Variants in PDLIM3 observed in about 807,000 individuals in gnomAD.
PDLIM3 encodes the protein PDZ and LIM domain protein 3.
In PDLIM3, 36 loss-of-function variants were observed where a neutral mutation model predicts 37.3. The observed-to-expected ratio is 0.97, with a 90% CI of 0.74 to 1.28. The LOEUF (loss-of-function observed/expected upper bound fraction) is 1.28. Ranked by LOEUF, PDLIM3 falls within the 50% of genes most tolerant of loss-of-function variation. The pLI, the probability that PDLIM3 is intolerant of heterozygous loss-of-function variation, is 0.00. For synonymous variants in PDLIM3, 174 were observed against 182.4 expected, an observed-to-expected ratio of 0.95 and a Z score of 0.37; for missense variants, 454 against 485.0, an observed-to-expected ratio of 0.94 and a Z score of 0.60.
intron 5 of PDLIM3, 149 bp from the exon 6 acceptor site, chr4:185,506,801 T>C (rs747335056): frequency 2.8e-5 from 19 of 681,266 alleles, no homozygotes; most frequent in Non-Finnish European, 4.2e-5. Flanking sequence ...TCTAGTATAG[T>C]TAAAAGCATA....
intron 1 of PDLIM3, among the ~76,000 whole-genome samples, chr4:185,535,128 C>A (rs1027336963): frequency 6.6e-6 from 1 of 152,330 alleles, no homozygotes; most frequent in Non-Finnish European, 1.5e-5. Context: ...ACCTTTAGAG[C>A]GGACTTTGTC....
At chr4:185,507,739 T>C (rs1367296092) in intron 5 of PDLIM3, among the ~76,000 whole-genome samples, 4 of 152,160 alleles carry the variant, frequency 2.6e-5, no homozygotes, top group Admixed American at 1.3e-4. Flanking sequence ...AAAAATTAAA[T>C]ATCTACATTA....
rs772607770 is a variant in PDLIM3, at chr4:185,504,574, GC to G, written c.805del (p.Ala269LeufsTer6). On this transcript the variant is annotated frameshift_variant, in exon 7 of 8. Transcript: ENST00000284767. LOFTEE classifies it high-confidence loss of function. This position sits in a 1 kb window ranked among gnomAD's most constrained non-coding sequence, Gnocchi z 4.7. Reference protein sequence around the residue: ...MVDDGSDDRPAGTRSVRAPVT... With the variant: ...MVDDGSDDRPXGTRSVRAPVT... ...CGGAGCTCTCACACTCCGCGTTCCA[GC>G]CGGACGGTCATCTGAAAAACAAAGC... 7 of 1,613,774 alleles carry G rather than the reference GC, an allele frequency of 4.3e-6. No individual in the cohort carries two copies. The highest frequency in any genetic ancestry group is 5.9e-6 in the Non-Finnish European group (7 of 1,179,842).
rs1041125049 is a variant in PDLIM3, at chr4:185,514,065, G to A, written c.398+205C>T. ...TGATTGCATACAATTTCACAGCTCT[G>A]TCATCTTGTCAATATTTACTCTTGG... On this transcript the variant is annotated intron_variant, in intron 4 of 7. Transcript: ENST00000284767. The surrounding 1 kb of genome is among the most constrained non-coding windows in gnomAD (Gnocchi z 4.0). 69 of 1,461,880 alleles carry A rather than the reference G, an allele frequency of 4.7e-5. No individual in the cohort carries two copies. The highest frequency in any genetic ancestry group is 5.9e-5 in the Non-Finnish European group (65 of 1,110,824). 90.6% of individuals were successfully genotyped at this position (1,461,880 alleles called of 1,614,324 possible). A position where few individuals can be genotyped will look rare whatever the true frequency, so the allele number is the denominator to read the frequency against.
At position 185,525,134 on chromosome 4, in the gene PDLIM3, C is replaced by T. The variant is rs2095730947; in HGVS notation, c.131G>A (p.Cys44Tyr). 2 of 1,614,182 alleles carry T rather than the reference C, an allele frequency of 1.2e-6. No individual in the cohort carries two copies. Among genetic ancestry groups the T allele is most frequent in the Non-Finnish European group, 1.7e-6 (2 of 1,180,006 alleles). Residue 44 changes from cysteine to tyrosine, a missense_variant, in exon 2 of 8, where the codon TGT (cysteine) becomes TAT (tyrosine). Physicochemically the swap from Cys to Tyr is radical, Grantham distance 194. Transcript: ENST00000284767. ...AATAGCCAGGATGACATCTCCAGGACACAGGTTGGCAGCTGCCGCCTTGCT... is the reference window on the plus strand; with the variant it reads ...AATAGCCAGGATGACATCTCCAGGATACAGGTTGGCAGCTGCCGCCTTGCT... ...PGSKAAAANL[C>Y]PGDVILAIDG...
chr4:185,531,865 G>C (rs2095744961), intron 1 of PDLIM3, among the ~76,000 whole-genome samples: 1 of 150,238 alleles, frequency 6.7e-6, no homozygotes, highest in Non-Finnish European at 1.5e-5. Context: ...GAGGTGGGCG[G>C]ATCGCCTGAG....
chr4:185,506,452 T>C (rs1259696157), intron 6 of PDLIM3, 70 bp downstream of exon 6: 1 of 1,592,760 alleles, frequency 6.3e-7, no homozygotes, highest in South Asian at 1.1e-5. Flanking sequence ...GTATGTTTGC[T>C]GTCGTCCCCG....
At chr4:185,529,752 C>T (rs2095740676) in intron 1 of PDLIM3, among the ~76,000 whole-genome samples, 1 of 152,214 alleles carries the variant, frequency 6.6e-6, no homozygotes, top group Admixed American at 6.5e-5. Flanking sequence ...TCACATAATT[C>T]TTAAGACAAT....
chr4:185,519,538 C>T lies in PDLIM3; in HGVS notation c.330+3824G>A, dbSNP rs559095905. Among the ~76,000 whole-genome samples, 6 of 152,306 alleles carry T rather than the reference C, an allele frequency of 3.9e-5. No homozygotes were observed. In the South Asian group the frequency reaches 6.2e-4, roughly 16 times the overall value. On this transcript the variant is annotated intron_variant, in intron 3 of 7. Coordinates refer to ENST00000284767, the MANE Select transcript of PDLIM3 (RefSeq NM_014476.6). The stretch of plus-strand genomic sequence containing the variant: ...CTGACCTCAGGTGATCCACCTGCCT[C>T]GGCCTCCCAAAGTGCTGGGACTACA...
rs1352831702 is a variant in PDLIM3, at chr4:185,521,708, T to C, written c.330+1654A>G. Among the ~76,000 whole-genome samples, 4 of 66,166 alleles carry C rather than the reference T, an allele frequency of 6.0e-5. 1 individual carries two copies. The highest frequency in any genetic ancestry group is 1.1e-4 in the African/African-American group (4 of 36,404). The allele number at this position is 66,166 out of a possible 152,430, so 43.4% of individuals were successfully genotyped here. A position where few individuals can be genotyped will look rare whatever the true frequency, so the allele number is the denominator to read the frequency against. On this transcript the variant is annotated intron_variant, in intron 3 of 7. Coordinates refer to ENST00000284767, the MANE Select transcript of PDLIM3 (RefSeq NM_014476.6). Reference sequence around the variant, plus strand: ...GCCTGGCCCCACTCAACTTTCAAGATTACTTTCCATGCAACAGCTGAGAGT... The same window carrying C: ...GCCTGGCCCCACTCAACTTTCAAGACTACTTTCCATGCAACAGCTGAGAGT...
intron 1 of PDLIM3, among the ~76,000 whole-genome samples, chr4:185,529,498 A>C (rs2095740111): frequency 6.6e-6 from 1 of 152,224 alleles, no homozygotes; most frequent in South Asian, 2.1e-4. Flanking sequence ...GGCACGGACC[A>C]AAATCATGAG....
At chr4:185,534,490 C>A (rs1450567871) in intron 1 of PDLIM3, among the ~76,000 whole-genome samples, 1 of 152,104 alleles carries the variant, frequency 6.6e-6, no homozygotes, top group Non-Finnish European at 1.5e-5. Flanking sequence ...CCAGCTAGAC[C>A]AAATAATGCT....
At position 185,506,560 on chromosome 4, in the gene PDLIM3, G is replaced by T; in HGVS notation, c.755C>A (p.Ser252Tyr). 6.2e-7 allele frequency: 1 copy of T among 1,613,468 alleles called. No homozygotes were observed. Among genetic ancestry groups the T allele is most frequent in the East Asian group, 2.2e-5 (1 of 44,890 alleles). ...NEPTQPRQSGSFRVLQGMVDD... is the reference protein window; with the variant it reads ...NEPTQPRQSGYFRVLQGMVDD... ...CACCATTCCCTGGAGCACTCTGAAG[G>T]AGCCCGACTGGCGAGGCTGTGTGGG... Residue 252 changes from serine to tyrosine, a missense_variant, in exon 6 of 8, where the codon TCC (serine) becomes TAC (tyrosine). By Grantham distance (144) the Ser-to-Tyr change is moderately radical. Coordinates refer to ENST00000284767, the MANE Select transcript of PDLIM3 (RefSeq NM_014476.6).
intron 4 of PDLIM3, among the ~76,000 whole-genome samples, chr4:185,511,736 A>G (rs1458188774): frequency 6.6e-6 from 1 of 152,206 alleles, no homozygotes; most frequent in Non-Finnish European, 1.5e-5. Flanking sequence ...GTTAACAACA[A>G]TTATTTGTAT....
At chr4:185,513,875 G>A in intron 4 of PDLIM3, 1 of 1,163,400 alleles carries the variant, frequency 8.6e-7, no homozygotes, top group South Asian at 1.9e-5. Flanking sequence ...ATTCTGGCTT[G>A]TTCACCTGAT....
At position 185,525,569 on chromosome 4, in the gene PDLIM3, T is replaced by C. The variant is rs144782105; in HGVS notation, c.94-398A>G. ...GTTGAAACTGCTTTCAATCCAAATA[T>C]AGCAATCCTTACTATTTATCATCTT... On this transcript the variant is annotated intron_variant, in intron 1 of 7. Coordinates refer to ENST00000284767, the MANE Select transcript of PDLIM3 (RefSeq NM_014476.6). Among the ~76,000 whole-genome samples the C allele has an allele frequency of 2.6e-3, 401 of 152,348 alleles. 1 individual carries two copies. The highest frequency in any genetic ancestry group is 9.3e-3 in the African/African-American group (385 of 41,590).
At chr4:185,526,315 CAA>C (rs2153338501) in intron 1 of PDLIM3, among the ~76,000 whole-genome samples, 2 of 152,268 alleles carry the variant, frequency 1.3e-5, no homozygotes, top group South Asian at 4.1e-4. Context: ...ACCAAACTAG[CAA>C]GACAGTAGAT....
intron 3 of PDLIM3, among the ~76,000 whole-genome samples, chr4:185,519,145 G>A (rs1461157661): frequency 6.6e-6 from 1 of 152,170 alleles, no homozygotes; most frequent in Non-Finnish European, 1.5e-5. Context: ...AAAATAGATT[G>A]TGTTCAGGAT....
In PDLIM3 at chr4:185,531,939, A is replaced by AT. The variant is rs1161686026; in HGVS notation, c.93+3402_93+3403insA. ...CCCTATCTCTACTAAAAAAAAAAAA[A>AT]AAAAAAAAATTAGCTGGGTATGGTG... On this transcript the variant is annotated intron_variant, in intron 1 of 7. Transcript: ENST00000284767. 4.5e-4 allele frequency among the ~76,000 whole-genome samples: 67 copies of AT among 150,550 alleles called. 1 individual carries two copies. The highest frequency in any genetic ancestry group is 1.5e-3 in the African/African-American group (62 of 41,124).
Sources: allele counts gnomAD v4.1 joint callset (sites outside exome capture counted in the v4.1 genomes callset), GRCh38; gene constraint gnomAD v4.1.1; non-coding constraint Gnocchi (gnomAD v3.1); transcripts MANE v1.5; gene names NCBI Gene and HGNC (gene_info 2026-07-23, HGNC 2026-07-21).